Variants in CCDC3 observed in about 807,000 individuals in gnomAD.
CCDC3 encodes coiled-coil domain-containing protein 3.
CCDC3 carries 24 observed loss-of-function variants against 21.4 expected under a neutral mutation model. The observed-to-expected ratio is 1.12, with a 90% confidence interval of 0.81 to 1.58. The LOEUF is 1.58. Ranked by LOEUF, CCDC3 falls within the 40% of genes most tolerant of loss-of-function variation. CCDC3 has a pLI of 0.00. For synonymous variants in CCDC3, 186 were observed against 166.0 expected, an observed-to-expected ratio of 1.12 and a Z score of -0.93; for missense variants, 425 against 360.9, an observed-to-expected ratio of 1.18 and a Z score of -1.44.
rs187560699 is a variant in CCDC3, at chr10:12,987,441, G to A, written c.549+10897C>T. ...ACCAATACTCTGTCCTTATTAGTATGTTACCTTTTTTTAAATTATCATTAC... is the reference window on the plus strand; with the variant it reads ...ACCAATACTCTGTCCTTATTAGTATATTACCTTTTTTTAAATTATCATTAC... On this transcript the variant is annotated intron_variant, in intron 2 of 2. Coordinates refer to ENST00000378825, the MANE Select transcript of CCDC3 (RefSeq NM_031455.4). Among the ~76,000 whole-genome samples the A allele has an allele frequency of 5.3e-5, 8 of 152,240 alleles. No individual in the cohort carries two copies. The South Asian group carries it at 8.3e-4, about 16-fold the overall frequency.
chr10:12,949,394 T>C (rs191811838), intron 2 of CCDC3, among the ~76,000 whole-genome samples: 13 of 152,310 alleles, frequency 8.5e-5, no homozygotes, highest in Non-Finnish European at 1.8e-4. Flanking sequence ...TTGGCTGGAA[T>C]GCAGACGTGA....
chr10:13,058,384 C>T (rs568922710), intron 4 of CCDC3: 13 of 949,412 alleles, frequency 1.4e-5, no homozygotes, highest in Admixed American at 1.2e-4. Flanking sequence ...CAGGACAATA[C>T]GCTGCAGCGT....
At chr10:13,098,710 A>ATTTTTTTTTTTTTTTTTTTTTTT (rs575500494) in intron 2 of CCDC3, 1 of 64,844 alleles carries the variant, frequency 1.5e-5, no homozygotes, top group African/African-American at 6.6e-5. Flanking sequence ...TCCTGCACTG[A>ATTTTTTTTTTTTTTTTTTTTTTT]TTTTTTTTTT....
intron 2 of CCDC3, among the ~76,000 whole-genome samples, chr10:12,952,535 A>G (rs1383863788): frequency 2.6e-5 from 4 of 152,200 alleles, no homozygotes; most frequent in Non-Finnish European, 5.9e-5. Context: ...AGACTAGCCC[A>G]TGATGTGTCT....
At chr10:12,905,563 C>T (rs754658594) in intron 2 of CCDC3, among the ~76,000 whole-genome samples, 2 of 152,198 alleles carry the variant, frequency 1.3e-5, no homozygotes, top group African/African-American at 2.4e-5. Flanking sequence ...ACCCCTTTCC[C>T]ACCACTTTCA....
intron 2 of CCDC3, among the ~76,000 whole-genome samples, chr10:12,948,728 G>GTTTTTTTTTTTTTTTTTT (rs72323989): frequency 1.1e-5 from 1 of 91,072 alleles, no homozygotes; most frequent in Non-Finnish European, 2.0e-5. Context: ...TTTTAAGGCA[G>GTTTTTTTTTTTTTTTTTT]TTTTTTTTTT....
At position 12,960,880 on chromosome 10, in the gene CCDC3, T is replaced by C. The variant is rs551957196; in HGVS notation, c.549+37458A>G. 3.3e-5 allele frequency among the ~76,000 whole-genome samples: 5 copies of C among 152,292 alleles called. No homozygotes were observed. In the East Asian group the frequency reaches 7.7e-4, roughly 24 times the overall value. ...ACATGTGGGGAAGTGTCCCGTAGAA[T>C]AGAAAGCATTCTGCACAAACGTAGG... On this transcript the variant is annotated intron_variant, in intron 2 of 2. Coordinates refer to ENST00000378825, the MANE Select transcript of CCDC3 (RefSeq NM_031455.4).
intron 5 of CCDC3, among the ~76,000 whole-genome samples, chr10:13,046,472 C>T (rs1211601644): frequency 1.3e-5 from 2 of 151,346 alleles, no homozygotes; most frequent in Admixed American, 6.6e-5. Context: ...TTTGGGAGGC[C>T]GAGGTGGATC....
intron 3 of CCDC3, among the ~76,000 whole-genome samples, chr10:13,077,966 A>G (rs911083005): frequency 6.6e-6 from 1 of 152,368 alleles, no homozygotes; most frequent in African/African-American, 2.4e-5. Context: ...CTTCATGACT[A>G]AAACACCAAA....
chr10:13,035,418 T>C (rs1036364900), intron 5 of CCDC3, among the ~76,000 whole-genome samples: 1 of 152,182 alleles, frequency 6.6e-6, no homozygotes, highest in Admixed American at 6.5e-5. Context: ...GTAAAGAAGA[T>C]AAGTCTCAAC....
chr10:13,054,869 G>A (rs1836661566), intron 4 of CCDC3, among the ~76,000 whole-genome samples: 1 of 152,208 alleles, frequency 6.6e-6, no homozygotes, highest in African/African-American at 2.4e-5. Context: ...GTTTCACCAT[G>A]TTGGCCAGGC....
chr10:13,057,058 G>A (rs989187843), intron 4 of CCDC3, among the ~76,000 whole-genome samples: 2 of 152,080 alleles, frequency 1.3e-5, no homozygotes, highest in East Asian at 1.9e-4. Context: ...TTGGAGAGCC[G>A]AGGCGGGAGG....
intron 2 of CCDC3, among the ~76,000 whole-genome samples, chr10:12,935,952 A>G (rs1163817780): frequency 1.3e-5 from 2 of 152,212 alleles, no homozygotes; most frequent in African/African-American, 4.8e-5. Context: ...TCACTTTCTA[A>G]GCATCTACTT....
chr10:12,958,494 C>G (rs770441380), intron 2 of CCDC3, among the ~76,000 whole-genome samples: 4 of 152,182 alleles, frequency 2.6e-5, no homozygotes, highest in Non-Finnish European at 5.9e-5. Flanking sequence ...CAAAGCCAAA[C>G]GCATCCTCCC....
Position 13,001,288 on chromosome 10 carries a change from C to G in CCDC3, c.283G>C (p.Ala95Pro), listed in dbSNP as rs1346955427. 2 of 1,604,896 alleles carry G rather than the reference C, an allele frequency of 1.2e-6. No homozygotes were observed. The highest frequency in any genetic ancestry group is 2.3e-5 in the South Asian group (2 of 88,604). Residue 95 changes from alanine to proline, a missense_variant, in exon 1 of 3, where the codon GCC becomes CCC. Physicochemically the swap from Ala to Pro is conservative, Grantham distance 27. Coordinates refer to ENST00000378825, the MANE Select transcript of CCDC3 (RefSeq NM_031455.4). ...QAWGSMLEVP[A>P]GSRLNLTGLG... Reference sequence around the variant, plus strand: ...CCGGTGAGGTTGAGCCTGGAGCCGGCGGGCACCTCCAGCATGCTGCCCCAC... The same window carrying G: ...CCGGTGAGGTTGAGCCTGGAGCCGGGGGGCACCTCCAGCATGCTGCCCCAC...
intron 2 of CCDC3, among the ~76,000 whole-genome samples, chr10:12,942,090 CTT>C (rs928411672): frequency 3.9e-5 from 6 of 152,136 alleles, no homozygotes; most frequent in African/African-American, 1.2e-4. Context: ...CATTTTCTCT[CTT>C]GTTTTCTCTA....
At chr10:12,998,310 T>C in intron 2 of CCDC3, 28 bp downstream of exon 2, 1 of 1,605,874 alleles carries the variant, frequency 6.2e-7, no homozygotes, top group Non-Finnish European at 8.5e-7. Context: ...ATTGTTTTGC[T>C]GTGGCACAGG....
chr10:12,921,655 C>T (rs1180710922), intron 2 of CCDC3, among the ~76,000 whole-genome samples: 1 of 152,224 alleles, frequency 6.6e-6, no homozygotes, highest in African/African-American at 2.4e-5. Context: ...CAACCAGTCT[C>T]TGGCACTATT....
At chr10:12,912,125 G>A (rs183202366) in intron 2 of CCDC3, among the ~76,000 whole-genome samples, 9 of 149,770 alleles carry the variant, frequency 6.0e-5, no homozygotes, top group Admixed American at 4.0e-4. Flanking sequence ...ATATCTCTTC[G>A]ACATACTGAC....
Sources: allele counts gnomAD v4.1 joint callset (sites outside exome capture counted in the v4.1 genomes callset), GRCh38; gene constraint gnomAD v4.1.1; transcripts MANE v1.5; gene names NCBI Gene and HGNC (gene_info 2026-07-23, HGNC 2026-07-21).